Variants in ANO4 observed in about 807,000 individuals in gnomAD.
The protein encoded by ANO4 is anoctamin 4, also known as anoctamin-4.
ANO4 carries 69 observed loss-of-function variants against 141.9 expected under a neutral mutation model. The observed-to-expected ratio is 0.49, with a 90% CI of 0.40 to 0.59. The LOEUF is 0.59. Ranked by LOEUF, ANO4 falls within the 20% of genes least tolerant of loss-of-function variation. The pLI, the probability that ANO4 is intolerant of heterozygous loss-of-function variation, is 0.00. For missense variants in ANO4, 894 were observed against 1,162.2 expected (o/e 0.77, Z 3.36); for synonymous variants, 350 against 394.3 (o/e 0.89, Z 1.33).
intron 14 of ANO4, among the ~76,000 whole-genome samples, chr12:101,048,920 C>G (rs2047746880): frequency 1.3e-5 from 2 of 152,210 alleles, no homozygotes; most frequent in Admixed American, 1.3e-4. Flanking sequence ...AGTAACAGGA[C>G]TTGATTGAAA....
At chr12:100,718,045 T>G (rs918096521) in intron 1 of ANO4, among the ~76,000 whole-genome samples, 3 of 152,198 alleles carry the variant, frequency 2.0e-5, no homozygotes, top group African/African-American at 7.2e-5. Flanking sequence ...TGTAACATGT[T>G]TTTAATGCAA....
chr12:100,922,953 T>TCTCATA (rs1021087836), intron 3 of ANO4, among the ~76,000 whole-genome samples: 1 of 152,134 alleles, frequency 6.6e-6, no homozygotes, highest in African/African-American at 2.4e-5. Flanking sequence ...TGATGCGGTG[T>TCTCATA]CTCATACTAA....
In ANO4 at chr12:101,124,569, C is replaced by A. The variant is rs554719414; in HGVS notation, c.2677-2310C>A. 2.6e-5 allele frequency among the ~76,000 whole-genome samples: 4 copies of A among 152,114 alleles called. No individual in the cohort carries two copies. The South Asian group carries it at 6.2e-4, about 24-fold the overall frequency. ...CATGCCTACATCCTGAATGGCATTGCCTAGATTTTCTTCTAGGATTTTTAT... is the reference window on the plus strand; with the variant it reads ...CATGCCTACATCCTGAATGGCATTGACTAGATTTTCTTCTAGGATTTTTAT... On this transcript the variant is annotated intron_variant, in intron 26 of 27. Coordinates refer to ENST00000392977, the MANE Select transcript of ANO4 (RefSeq NM_001286615.2).
At chr12:101,046,218 G>A (rs1239913428) in intron 13 of ANO4, among the ~76,000 whole-genome samples, 1 of 152,258 alleles carries the variant, frequency 6.6e-6, no homozygotes, top group Non-Finnish European at 1.5e-5. Context: ...CAATGCTGGG[G>A]TTTAAGAGGA....
rs146342977 is a variant in ANO4 at position 100,869,823 on chromosome 12, C to T, written c.-140-31823C>T. Reference sequence around the variant, plus strand: ...CAAGAGACTCAACAGTCTTTATAGTCACTGCTGTAACCATAGCAATTAAGT... The same window carrying T: ...CAAGAGACTCAACAGTCTTTATAGTTACTGCTGTAACCATAGCAATTAAGT... On this transcript the variant is annotated intron_variant, in intron 1 of 27. Coordinates refer to ENST00000392977, the MANE Select transcript of ANO4 (RefSeq NM_001286615.2). Among the ~76,000 whole-genome samples, 62 of 152,310 alleles carry T rather than the reference C, an allele frequency of 4.1e-4. No homozygotes were observed. The East Asian group carries it at 0.012, about 28-fold the overall frequency.
At chr12:100,798,367 G>A (rs1251156480) in intron 1 of ANO4, among the ~76,000 whole-genome samples, 1 of 152,206 alleles carries the variant, frequency 6.6e-6, no homozygotes, top group African/African-American at 2.4e-5. Flanking sequence ...AGGCTTCTTA[G>A]AGGGAAGACT....
intron 14 of ANO4, among the ~76,000 whole-genome samples, chr12:101,069,508 T>A (rs1439439622): frequency 1.3e-5 from 2 of 152,180 alleles, no homozygotes; most frequent in Non-Finnish European, 2.9e-5. Context: ...CTTTAGTTAC[T>A]AAGAGAGGAT....
At chr12:100,869,531 C>G (rs1159829433) in intron 1 of ANO4, among the ~76,000 whole-genome samples, 2 of 152,158 alleles carry the variant, frequency 1.3e-5, no homozygotes, top group African/African-American at 4.8e-5. Context: ...ATCCAGTTAT[C>G]AGGGTCACAT....
At chr12:101,088,814 G>C (rs376575312) in intron 17 of ANO4, among the ~76,000 whole-genome samples, 1 of 152,112 alleles carries the variant, frequency 6.6e-6, no homozygotes. Flanking sequence ...CTTGAGCCTA[G>C]GAGTTCACGA....
chr12:101,035,394 T>G (rs1283906578), intron 9 of ANO4, among the ~76,000 whole-genome samples: 1 of 152,210 alleles, frequency 6.6e-6, no homozygotes, highest in African/African-American at 2.4e-5. Flanking sequence ...GGGTGGCAGA[T>G]TAGAATGTGG....
chr12:100,864,936 T>G (rs1410506157), intron 1 of ANO4, among the ~76,000 whole-genome samples: 1 of 152,042 alleles, frequency 6.6e-6, no homozygotes, highest in Non-Finnish European at 1.5e-5. Context: ...GAACATGCAG[T>G]GTTTGGTTTT....
chr12:100,930,548 T>C (rs2042050160), intron 3 of ANO4, among the ~76,000 whole-genome samples: 1 of 152,140 alleles, frequency 6.6e-6, no homozygotes, highest in South Asian at 2.1e-4. Context: ...TATGTGTCTG[T>C]TTTTATGCCA....
chr12:100,753,295 G>A (rs890080732), intron 3 of ANO4, among the ~76,000 whole-genome samples: 3 of 152,172 alleles, frequency 2.0e-5, no homozygotes, highest in African/African-American at 7.2e-5. Context: ...AGGGAACTGT[G>A]AATAATTGGG....
rs1231592472 is a variant in ANO4 at position 100,759,591 on chromosome 12, C to T, written c.358+19486C>T. On this transcript the variant is annotated intron_variant, in intron 3 of 29. Coordinates refer to the ANO4 transcript ENST00000644049. ...TGCCTGCTAAATGGGAGCTATGCTGCTTCCTTCATTCCCTGGACAGAAGAT... is the reference window on the plus strand; with the variant it reads ...TGCCTGCTAAATGGGAGCTATGCTGTTTCCTTCATTCCCTGGACAGAAGAT... Among the ~76,000 whole-genome samples the T allele has an allele frequency of 6.6e-5, 10 of 152,216 alleles. No individual in the cohort carries two copies. In the East Asian group the frequency reaches 1.7e-3, roughly 26 times the overall value.
At chr12:100,813,011 A>T (rs2035537006) in intron 1 of ANO4, among the ~76,000 whole-genome samples, 1 of 152,186 alleles carries the variant, frequency 6.6e-6, no homozygotes, top group Non-Finnish European at 1.5e-5. Context: ...AAGCTTTGAA[A>T]ATTGTTTTTT....
chr12:101,075,661 A>C (rs1229233898), intron 14 of ANO4, among the ~76,000 whole-genome samples: 1 of 149,672 alleles, frequency 6.7e-6, no homozygotes, highest in Non-Finnish European at 1.5e-5. Flanking sequence ...ACACACACAC[A>C]TACACATATA....
At chr12:100,851,808 G>A (rs980022221) in intron 1 of ANO4, among the ~76,000 whole-genome samples, 2 of 152,068 alleles carry the variant, frequency 1.3e-5, no homozygotes, top group Admixed American at 1.3e-4. Context: ...GGGGGGAGGG[G>A]AGGGAGACAA....
intron 24 of ANO4, among the ~76,000 whole-genome samples, chr12:101,115,095 A>C (rs2050802653): frequency 6.6e-6 from 1 of 152,234 alleles, no homozygotes; most frequent in East Asian, 1.9e-4. Context: ...GTTAATGAAG[A>C]GAATCTGAAG....
intron 25 of ANO4, among the ~76,000 whole-genome samples, chr12:101,119,992 T>C (rs989889724): frequency 1.4e-4 from 21 of 152,162 alleles, no homozygotes; most frequent in Admixed American, 1.3e-3. Context: ...AAATCCAGGG[T>C]AAACTGACTT....
Sources: gnomAD v4.1 joint callset for allele counts (sites outside exome capture counted in the v4.1 genomes callset) on GRCh38, gnomAD v4.1.1 for gene constraint, MANE v1.5 for transcripts, NCBI Gene and HGNC (gene_info 2026-07-23, HGNC 2026-07-21) for gene names.